Variants in OR51B5 observed in about 807,000 individuals in gnomAD.
OR51B5 encodes olfactory receptor 51B5.
For missense variants in OR51B5, 456 were observed against 374.6 expected (o/e 1.22, Z -1.79); for synonymous variants, 186 against 144.8 (o/e 1.28, Z -2.04).
intron 1 of OR51B5, chr11:5,453,292 T>G: frequency 2.3e-6 from 1 of 428,096 alleles, no homozygotes; most frequent in Non-Finnish European, 4.1e-6. Context: ...AGGCTGATCA[T>G]CATAAAATAT....
intron 1 of OR51B5, among the ~76,000 whole-genome samples, chr11:5,452,393 C>G (rs1850866523): frequency 6.6e-6 from 1 of 151,530 alleles, no homozygotes; most frequent in South Asian, 2.1e-4. Context: ...GTAGTCCCAA[C>G]TACTCGGGAG....
intron 1 of OR51B5, among the ~76,000 whole-genome samples, chr11:5,499,871 C>T (rs1851693944): frequency 6.6e-6 from 1 of 152,236 alleles, no homozygotes; most frequent in Non-Finnish European, 1.5e-5. Context: ...GAGTTCATTT[C>T]ACTATCTTAA....
At chr11:5,503,600 C>T (rs1310980112) in intron 1 of OR51B5, among the ~76,000 whole-genome samples, 1 of 151,990 alleles carries the variant, frequency 6.6e-6, no homozygotes, top group East Asian at 1.9e-4. Flanking sequence ...CAAAATTAGC[C>T]AATGGTATCT....
chr11:5,448,724 T>TA (rs1850804579), intron 1 of OR51B5, among the ~76,000 whole-genome samples: 3 of 152,322 alleles, frequency 2.0e-5, no homozygotes, highest in Admixed American at 2.0e-4. Context: ...AATTGTGAAC[T>TA]TTCCATTCCC....
At chr11:5,480,564 C>T (rs939404520) in intron 1 of OR51B5, among the ~76,000 whole-genome samples, 3 of 151,620 alleles carry the variant, frequency 2.0e-5, no homozygotes, top group African/African-American at 7.3e-5. Flanking sequence ...TCAATGAATC[C>T]AGGAGCTGGT....
intron 1 of OR51B5, chr11:5,390,933 C>T (rs1296336481): frequency 2.6e-5 from 4 of 153,218 alleles, no homozygotes; most frequent in Admixed American, 2.0e-4. Flanking sequence ...CAAGCAACAC[C>T]CCCCCAAATT....
chr11:5,454,235 T>C, intron 1 of OR51B5: 1 of 1,614,218 alleles, frequency 6.2e-7, no homozygotes, highest in Non-Finnish European at 8.5e-7. Context: ...TGGCTGTACT[T>C]GCATTTTATG....
chr11:5,362,036 G>A (rs1849292780), intron 1 of OR51B5, among the ~76,000 whole-genome samples: 1 of 152,194 alleles, frequency 6.6e-6, no homozygotes, highest in African/African-American at 2.4e-5. Flanking sequence ...ACTTTGACAT[G>A]AGGCACAATG....
At chr11:5,347,266 T>A (rs903355356), upstream of OR51B5, among the ~76,000 whole-genome samples, 1 of 152,184 alleles carries the variant, frequency 6.6e-6, no homozygotes, top group African/African-American at 2.4e-5. Context: ...TATATCTTCT[T>A]GGCCTATGTA....
At chr11:5,480,071 A>G (rs1287995715) in intron 1 of OR51B5, among the ~76,000 whole-genome samples, 1 of 152,104 alleles carries the variant, frequency 6.6e-6, no homozygotes, top group African/African-American at 2.4e-5. Context: ...TTTTTTCAGC[A>G]CCACACCTAT....
intron 1 of OR51B5, among the ~76,000 whole-genome samples, chr11:5,436,660 G>T (rs1263587709): frequency 1.3e-5 from 2 of 152,194 alleles, no homozygotes; most frequent in African/African-American, 4.8e-5. Context: ...TAAAAGTGAG[G>T]TTTGAGGATT....
At chr11:5,461,259 G>C (rs888368979) in intron 1 of OR51B5, among the ~76,000 whole-genome samples, 1 of 152,188 alleles carries the variant, frequency 6.6e-6, no homozygotes, top group Non-Finnish European at 1.5e-5. Context: ...TGCAGGCCAG[G>C]GGGTGGAGGC....
intron 1 of OR51B5, chr11:5,352,200 A>T (rs1849104900): frequency 6.2e-7 from 1 of 1,614,044 alleles, no homozygotes; most frequent in Non-Finnish European, 8.5e-7. Context: ...CTGGAGGAGA[A>T]AGGGCCAAGG....
chr11:5,466,671 T>C (rs1215626683), intron 1 of OR51B5, among the ~76,000 whole-genome samples: 1 of 152,242 alleles, frequency 6.6e-6, no homozygotes, highest in Non-Finnish European at 1.5e-5. Flanking sequence ...TAAGTAAGTA[T>C]AGCTTTCTGG....
intron 1 of OR51B5, among the ~76,000 whole-genome samples, chr11:5,397,281 G>A (rs937051695): frequency 6.6e-6 from 1 of 152,114 alleles, no homozygotes; most frequent in African/African-American, 2.4e-5. Context: ...TACACAATGG[G>A]AGAAAATTTT....
chr11:5,449,910 C>A (rs1045033161), intron 1 of OR51B5, among the ~76,000 whole-genome samples: 1 of 152,164 alleles, frequency 6.6e-6, no homozygotes, highest in African/African-American at 2.4e-5. Context: ...TCTTTATTAT[C>A]CATGATACAG....
At chr11:5,359,166 A>AT (rs1299564552) in intron 1 of OR51B5, among the ~76,000 whole-genome samples, 1 of 152,028 alleles carries the variant, frequency 6.6e-6, no homozygotes, top group Non-Finnish European at 1.5e-5. Flanking sequence ...GGAGAAGGAA[A>AT]AAAAGGTATT....
chr11:5,383,505 G>T (rs11037129), intron 1 of OR51B5, among the ~76,000 whole-genome samples: 16 of 152,080 alleles, frequency 1.1e-4, no homozygotes, highest in African/African-American at 3.6e-4. Context: ...TCTGGAAAAC[G>T]ACGGGTCCAT....
At chr11:5,380,886 G>T (rs530070993) in intron 1 of OR51B5, among the ~76,000 whole-genome samples, 1 of 152,032 alleles carries the variant, frequency 6.6e-6, no homozygotes, top group Non-Finnish European at 1.5e-5. Flanking sequence ...GGGATAGTAG[G>T]GCCTTGGTGC....
Sources: gnomAD v4.1 joint callset for allele counts (sites outside exome capture counted in the v4.1 genomes callset) on GRCh38, gnomAD v4.1.1 for gene constraint, MANE v1.5 for transcripts, NCBI Gene and HGNC (gene_info 2026-07-23, HGNC 2026-07-21) for gene names.